CHD8: variants seen among roughly 807,000 people sequenced by gnomAD.
The protein encoded by CHD8 is ATP-dependent chromatin remodeler CHD8.
In CHD8, 31 loss-of-function variants were observed where a neutral mutation model predicts 279.2. The observed-to-expected ratio is 0.11, with a 90% CI of 0.08 to 0.15. CHD8 has a LOEUF of 0.15. CHD8 is among the 10% of genes least tolerant of loss of function. CHD8 has a pLI of 1.00. For missense variants in CHD8, 2,146 were observed against 3,230.5 expected, an observed-to-expected ratio of 0.66 and a Z score of 8.14; for synonymous variants, 1,081 against 1,139.6, an observed-to-expected ratio of 0.95 and a Z score of 1.04.
intron 1 of CHD8, among the ~76,000 whole-genome samples, chr14:21,451,571 CAAAAAAA>C (rs969355375): frequency 0.25 from 7,579 of 29,870 alleles, 144 homozygotes; most frequent in Non-Finnish European, 0.37. Context: ...GACTCTGTCT[CAAAAAAA>C]AAAAAAAAAA....
chr14:21,427,553 C>T, intron 4 of CHD8: 1 of 1,312,228 alleles, frequency 7.6e-7, no homozygotes, highest in Non-Finnish European at 9.8e-7. Context: ...GGAGCACTCA[C>T]TTGAGCTTAC....
At position 21,453,927 on chromosome 14, in the gene CHD8, G is replaced by A. The variant is rs867801700; in HGVS notation, c.-216+2105C>T. On this transcript the variant is annotated intron_variant, in intron 1 of 37. Transcript: ENST00000646647. Reference sequence around the variant, plus strand: ...TCCCAGCACTTCGGGAGGCCGAGGCGGGAGGATCACGAGGTCAGAAGTTCA... The same window carrying A: ...TCCCAGCACTTCGGGAGGCCGAGGCAGGAGGATCACGAGGTCAGAAGTTCA... Among the ~76,000 whole-genome samples the A allele has an allele frequency of 5.3e-5, 8 of 151,496 alleles. No homozygotes were observed. In the South Asian group the frequency reaches 1.5e-3, roughly 28 times the overall value.
intron 1 of CHD8, among the ~76,000 whole-genome samples, chr14:21,450,094 C>T (rs1434543336): frequency 6.6e-6 from 1 of 151,930 alleles, no homozygotes. Context: ...CTTGCTAGCC[C>T]CTATTCAAAA....
Position 21,408,611 on chromosome 14 carries a change from A to C in CHD8, c.2487-56T>G. 1 of 1,570,346 alleles carries C rather than the reference A, an allele frequency of 6.4e-7. No individual in the cohort carries two copies. The highest frequency in any genetic ancestry group is 8.6e-7 in the Non-Finnish European group (1 of 1,158,562). ...TTAAAAGATACTATCTTTAAAAAAA[A>C]TAGAGTATGTAGGAAGAAATTGTTT... On this transcript the variant is annotated intron_variant, in intron 12 of 37. Coordinates refer to ENST00000646647, the MANE Select transcript of CHD8 (RefSeq NM_001170629.2). This position sits in a 1 kb window ranked among gnomAD's most constrained non-coding sequence, Gnocchi z 4.3.
chr14:21,407,665 G>A (rs751653438), intron 13 of CHD8, among the ~76,000 whole-genome samples: 1 of 152,006 alleles, frequency 6.6e-6, no homozygotes, highest in East Asian at 1.9e-4. Context: ...ATGGAGTGCA[G>A]TGTGACGATC....
At chr14:21,448,940 C>T (rs911413983) in intron 1 of CHD8, among the ~76,000 whole-genome samples, 7 of 151,200 alleles carry the variant, frequency 4.6e-5, no homozygotes, top group Non-Finnish European at 8.9e-5. Context: ...TTTGGGAGGC[C>T]GAGGCGGGCA....
rs553613754 is a variant in CHD8, at chr14:21,388,867, C to G, written c.7182+2080G>C. Among the ~76,000 whole-genome samples the G allele has an allele frequency of 2.1e-3, 313 of 152,194 alleles. 1 individual carries two copies. The highest frequency in any genetic ancestry group is 7.4e-3 in the African/African-American group (308 of 41,516). ...TCCTGGAACCAATCCCTCACAGATA[C>G]CAAGGGATGACTGTATGTGTATAAA... On this transcript the variant is annotated intron_variant, in intron 37 of 37. Coordinates refer to ENST00000646647, the MANE Select transcript of CHD8 (RefSeq NM_001170629.2).
chr14:21,449,072 G>A (rs1437084429), intron 1 of CHD8, among the ~76,000 whole-genome samples: 1 of 152,054 alleles, frequency 6.6e-6, no homozygotes, highest in East Asian at 1.9e-4. Context: ...TACTCGGGAG[G>A]CTGAGGCAGG....
Position 21,430,975 on chromosome 14 carries a change from C to G in CHD8, c.669G>C (p.Val223=), listed in dbSNP as rs1889540194. ...PGVSIVSGNT[V]LAAKVPGNQA... is the part of the protein sequence containing the mutation. The stretch of plus-strand genomic sequence containing the variant: ...GGTTCCCAGGGACCTTGGCGGCCAA[C>G]ACTGTATTACCAGAGACAATGGAAA... Residue 223 remains valine, a synonymous_variant, in exon 2 of 38, where the codon GTG becomes GTC. Transcript: ENST00000646647. The G allele has an allele frequency of 6.3e-7, 1 of 1,599,592 alleles. No homozygotes were observed. Among genetic ancestry groups the G allele is most frequent in the South Asian group, 1.1e-5 (1 of 91,080 alleles).
chr14:21,387,442 G>T (rs1348703275), intron 37 of CHD8, among the ~76,000 whole-genome samples: 1 of 152,010 alleles, frequency 6.6e-6, no homozygotes, highest in Non-Finnish European at 1.5e-5. Flanking sequence ...AGACCAGCCT[G>T]ACCAACATGG....
chr14:21,445,688 CAAAAAAAA>C (rs747923350), intron 1 of CHD8, among the ~76,000 whole-genome samples: 9 of 17,256 alleles, frequency 5.2e-4, no homozygotes, highest in Non-Finnish European at 9.3e-4. Context: ...GATTCGGTCT[CAAAAAAAA>C]AAAAAAAAAA....
chr14:21,449,033 G>A (rs1250294442), intron 1 of CHD8, among the ~76,000 whole-genome samples: 3 of 152,006 alleles, frequency 2.0e-5, no homozygotes, highest in Admixed American at 6.5e-5. Context: ...AATTAGCCGG[G>A]CGTGGTGGCG....
intron 37 of CHD8, among the ~76,000 whole-genome samples, chr14:21,386,706 G>A (rs1348900085): frequency 6.6e-6 from 1 of 152,038 alleles, no homozygotes; most frequent in African/African-American, 2.4e-5. Flanking sequence ...GCAAGGTGGC[G>A]GGCGCCTGTA....
chr14:21,391,468 G>C lies in CHD8; in HGVS notation c.7060C>G (p.Leu2354Val), dbSNP rs1410778029. 3.7e-6 allele frequency: 6 copies of C among 1,613,662 alleles called. No homozygotes were observed. Among genetic ancestry groups the C allele is most frequent in the Non-Finnish European group, 5.1e-6 (6 of 1,179,740 alleles). Residue 2354 changes from leucine to valine, a missense_variant, in exon 36 of 38, where the codon CTA becomes GTA. This residue lies in a region of CHD8 where 336 missense variants were observed against 392.9 expected (regional missense o/e 0.86). Coordinates refer to ENST00000646647, the MANE Select transcript of CHD8 (RefSeq NM_001170629.2). The part of the protein sequence containing the change: ...HPEFAVDPRF[L>V]AYMEDRRKQK... ...TGGATGGGACTGCCACTCACCGCTA[G>C]AAATCGGGGATCAACAGCAAACTCT... is the stretch of plus-strand genomic sequence containing the variant.
At position 21,429,234 on chromosome 14, in the gene CHD8, C is replaced by T; in HGVS notation, c.945G>A (p.Val315=). Residue 315 remains valine (V), a synonymous_variant, in exon 3 of 38, where the codon GTG becomes GTA. Coordinates refer to ENST00000646647, the MANE Select transcript of CHD8 (RefSeq NM_001170629.2). ...VVLGSLPGKI[V]LQGNQLAALT... is the part of the protein sequence containing the mutation. ...GGGCTGCCAGCTGGTTGCCCTGTAA[C>T]ACTATCTTGCCTGGTAGACTCCCTA... 6.2e-7 allele frequency: 1 copy of T among 1,613,886 alleles called. No homozygotes were observed. Among genetic ancestry groups the T allele is most frequent in the South Asian group, 1.1e-5 (1 of 91,084 alleles).
In CHD8 at chr14:21,395,060, T is replaced by TA; in HGVS notation, c.5241dup (p.Arg1748Ter). On this transcript the variant is annotated frameshift_variant, in exon 30 of 38. Coordinates refer to ENST00000646647, the MANE Select transcript of CHD8 (RefSeq NM_001170629.2). LOFTEE classifies it high-confidence loss of function. ...TACGCTGTTACTAGACGCCGAAGCC[T>TA]AGCTGTTAGGGCAGAGCCCGGAGGC... 6.2e-7 allele frequency: 1 copy of TA among 1,614,046 alleles called. No homozygotes were observed. Among genetic ancestry groups the TA allele is most frequent in the Non-Finnish European group, 8.5e-7 (1 of 1,179,902 alleles).
intron 5 of CHD8, among the ~76,000 whole-genome samples, chr14:21,417,784 G>A (rs1156365584): frequency 6.7e-6 from 1 of 150,020 alleles, no homozygotes; most frequent in Non-Finnish European, 1.5e-5. Flanking sequence ...AACCTGGGAG[G>A]TGGAGCTTGC....
chr14:21,432,342 C>T (rs1431278469), intron 1 of CHD8, among the ~76,000 whole-genome samples: 1 of 151,926 alleles, frequency 6.6e-6, no homozygotes, highest in Admixed American at 6.6e-5. Context: ...CCACCTTTAA[C>T]CAAGGCTTAT....
At chr14:21,446,839 C>T (rs746730924) in intron 1 of CHD8, among the ~76,000 whole-genome samples, 1 of 152,196 alleles carries the variant, frequency 6.6e-6, no homozygotes, top group African/African-American at 2.4e-5. Context: ...ACTTCCAGTA[C>T]TTCTCCTTTG....
Sources: allele counts gnomAD v4.1 joint callset (sites outside exome capture counted in the v4.1 genomes callset), GRCh38; gene constraint gnomAD v4.1.1; regional missense constraint gnomAD v4.1.1; non-coding constraint Gnocchi (gnomAD v3.1); transcripts MANE v1.5; gene names NCBI Gene and HGNC (gene_info 2026-07-23, HGNC 2026-07-21).